CHM: variants seen among roughly 807,000 people sequenced by gnomAD.
CHM encodes CHM Rab escort protein.
CHM carries 10 observed loss-of-function variants against 49.0 expected under a neutral mutation model. The observed-to-expected ratio is 0.20, with a 90% confidence interval of 0.13 to 0.35. The LOEUF is 0.35. CHM is among the 10% of genes least tolerant of loss of function. The pLI is 1.00. For synonymous variants in CHM, 184 were observed against 167.5 expected (o/e 1.10, Z -0.76); for missense variants, 455 against 478.4 (o/e 0.95, Z 0.46).
rs182009389 is a variant in CHM at position 86,007,934 on chromosome X, G to A, written c.116+19557C>T. 3.9e-4 allele frequency among the ~76,000 whole-genome samples: 44 copies of A among 112,154 alleles called. No homozygotes were observed. The East Asian group carries it at 5.6e-3, about 14-fold the overall frequency. On this transcript the variant is annotated intron_variant, in intron 2 of 14. Coordinates refer to ENST00000357749, the MANE Select transcript of CHM (RefSeq NM_000390.4). ...ATATACCCAAAGGATTATAAATCAT[G>A]CTACTATAAAGACACATGCACACGT... is the stretch of plus-strand genomic sequence containing the variant.
intron 4 of CHM, chrX:85,969,110 A>G (rs1930738173): frequency 5.8e-6 from 4 of 694,916 alleles, no homozygotes; most frequent in Non-Finnish European, 6.8e-6. Flanking sequence ...TTGCAAAAAA[A>G]TCTTTATTTT....
chrX:85,875,463 G>C (rs997638232), intron 13 of CHM, among the ~76,000 whole-genome samples: 2 of 111,500 alleles, frequency 1.8e-5, no homozygotes, highest in Non-Finnish European at 3.8e-5. Flanking sequence ...ACTGGAGTAA[G>C]TGTAGAATAG....
chrX:85,995,315 T>A (rs1381590939), intron 2 of CHM, among the ~76,000 whole-genome samples: 3 of 105,550 alleles, frequency 2.8e-5, no homozygotes, highest in African/African-American at 7.0e-5. Context: ...TACATTTTAT[T>A]ATCAGGCCTT....
At chrX:85,875,836 G>A in intron 13 of CHM, among the ~76,000 whole-genome samples, 1 of 111,474 alleles carries the variant, frequency 9.0e-6, no homozygotes, top group Non-Finnish European at 1.9e-5. Context: ...AAGGCTCCTT[G>A]AATTGATAAA....
At chrX:85,889,713 A>C (rs1206313932) in intron 12 of CHM, among the ~76,000 whole-genome samples, 1 of 111,754 alleles carries the variant, frequency 8.9e-6, no homozygotes, top group African/African-American at 3.3e-5. Context: ...TATATATCCA[A>C]AAGAAAAGAA....
chrX:85,957,739 G>A (rs1728437544), intron 7 of CHM, 116 bp downstream of exon 7: 2 of 899,576 alleles, frequency 2.2e-6, no homozygotes, highest in Non-Finnish European at 3.1e-6. Flanking sequence ...TATTGATAGT[G>A]CAGAGTTAGA....
In CHM at chrX:85,936,363, T is replaced by A. The variant is rs934419758; in HGVS notation, c.1166+19790A>T. ...TACTCTGCATTAGTGTGGGATAAAA[T>A]TCAACACTCTTTTCTTTACATTATC... On this transcript the variant is annotated intron_variant, in intron 8 of 14. Transcript: ENST00000357749. Among the ~76,000 whole-genome samples, 16 of 111,816 alleles carry A rather than the reference T, an allele frequency of 1.4e-4. 1 individual carries two copies. In the East Asian group the frequency reaches 4.2e-3, roughly 29 times the overall value.
Position 85,986,999 on chromosome X carries a change from C to T in CHM, c.117-5190G>A, listed in dbSNP as rs577767586. On this transcript the variant is annotated intron_variant, in intron 2 of 14. Transcript: ENST00000357749. ...TAACAAATCTGACAAAGTGGAATAA[C>T]ACAATACAAGGATATCACAATGCAA... Among the ~76,000 whole-genome samples the T allele has an allele frequency of 7.4e-4, 82 of 110,091 alleles. 1 individual carries two copies. In the Admixed American group the frequency reaches 7.8e-3, roughly 10 times the overall value.
chrX:86,027,607 T>TC, intron 1 of CHM, 50 bp from the exon 2 acceptor site: 3 of 1,062,499 alleles, frequency 2.8e-6, no homozygotes, highest in Non-Finnish European at 3.9e-6. Context: ...TATATATATT[T>TC]TACATAAAAT....
intron 9 of CHM, among the ~76,000 whole-genome samples, chrX:85,909,535 T>A (rs1216305289): frequency 9.0e-6 from 1 of 111,605 alleles, no homozygotes; most frequent in African/African-American, 3.3e-5. Flanking sequence ...TTTGGGCACA[T>A]TAAAGTTTGA....
chrX:86,037,685 C>CA (rs774749677), intron 1 of CHM, among the ~76,000 whole-genome samples: 2 of 110,833 alleles, frequency 1.8e-5, no homozygotes, highest in African/African-American at 3.3e-5. Flanking sequence ...AAAAATGATA[C>CA]AAAAAACCCT....
intron 2 of CHM, among the ~76,000 whole-genome samples, chrX:85,982,873 C>A (rs994402695): frequency 8.9e-6 from 1 of 111,883 alleles, no homozygotes; most frequent in African/African-American, 3.3e-5. Context: ...CACAGTGGCA[C>A]ACACCTGTAA....
chrX:85,866,111 T>C (rs757717293), intron 14 of CHM, among the ~76,000 whole-genome samples: 3 of 112,661 alleles, frequency 2.7e-5, no homozygotes, highest in South Asian at 3.6e-4. Context: ...CAAATGTCAA[T>C]AGACAAGACA....
At chrX:85,986,685 C>T (rs1931931718) in intron 2 of CHM, among the ~76,000 whole-genome samples, 1 of 111,896 alleles carries the variant, frequency 8.9e-6, no homozygotes, top group Non-Finnish European at 1.9e-5. Flanking sequence ...TCACTCTACA[C>T]TTTAGTTAAA....
At chrX:85,865,462 T>C (rs1012849734) in intron 14 of CHM, among the ~76,000 whole-genome samples, 3 of 111,859 alleles carry the variant, frequency 2.7e-5, no homozygotes, top group Admixed American at 1.9e-4. Context: ...ACAAATTACC[T>C]AGTCTCAGGT....
chrX:86,000,952 T>C (rs1932689787), intron 2 of CHM, among the ~76,000 whole-genome samples: 1 of 111,901 alleles, frequency 8.9e-6, no homozygotes, highest in South Asian at 3.7e-4. Context: ...AATTACAGTT[T>C]AAAATAATTA....
chrX:86,038,535 G>T (rs1480101413), intron 1 of CHM, among the ~76,000 whole-genome samples: 2 of 112,142 alleles, frequency 1.8e-5, no homozygotes, highest in African/African-American at 6.5e-5. Flanking sequence ...CTGTGCCACA[G>T]GTGCATCCTT....
chrX:86,042,429 G>A (rs983560814), intron 1 of CHM, among the ~76,000 whole-genome samples: 2 of 110,413 alleles, frequency 1.8e-5, no homozygotes, highest in Non-Finnish European at 3.8e-5. Flanking sequence ...GAGGCCTGAG[G>A]GAGCTTTTAG....
At chrX:85,891,421 G>A (rs964950471) in intron 12 of CHM, among the ~76,000 whole-genome samples, 6 of 111,825 alleles carry the variant, frequency 5.4e-5, no homozygotes, top group Non-Finnish European at 9.4e-5. Context: ...CCCATATTGT[G>A]TGCAGCCTAG....
Sources: allele counts gnomAD v4.1 joint callset (sites outside exome capture counted in the v4.1 genomes callset), GRCh38; gene constraint gnomAD v4.1.1; transcripts MANE v1.5; gene names NCBI Gene and HGNC (gene_info 2026-07-23, HGNC 2026-07-21).